The following ADAM20 variants were observed in gnomAD, a reference collection of about 807,000 sequenced individuals.
ADAM20 encodes ADAM metallopeptidase domain 20.
For missense variants in ADAM20, 871 were observed against 883.2 expected, an observed-to-expected ratio of 0.99 and a Z score of 0.18; for synonymous variants, 305 against 310.2, an observed-to-expected ratio of 0.98 and a Z score of 0.18.
the ADAM20 span, among the ~76,000 whole-genome samples, chr14:70,570,579 TTGAAATC>T: frequency 6.6e-6 from 1 of 152,072 alleles, no homozygotes; most frequent in African/African-American, 2.4e-5. Context: ...CAGAAAGATA[TTGAAATC>T]TTGAACAGAC....
At chr14:70,542,364 T>C in the ADAM20 span, among the ~76,000 whole-genome samples, 1 of 152,232 alleles carries the variant, frequency 6.6e-6, no homozygotes, top group Admixed American at 6.5e-5. Context: ...ATGGTGTGCT[T>C]TCCTTTAAGG....
rs769500504 is a variant in ADAM20 at position 70,524,685 on chromosome 14, T to C, written c.73A>G (p.Ile25Val). 3 of 1,613,882 alleles carry C rather than the reference T, an allele frequency of 1.9e-6. No individual in the cohort carries two copies. The South Asian group carries it at 3.3e-5, about 18-fold the overall frequency. ...LLLWFGMFLS[I>V]SGHSQARPSQ... Reference sequence around the variant, plus strand: ...GGCCTGGCCTGAGAGTGGCCAGAAATAGACAAAAACATCCCAAACCAGAGC... The same window carrying C: ...GGCCTGGCCTGAGAGTGGCCAGAAACAGACAAAAACATCCCAAACCAGAGC... The change falls in exon 2 of 2, where the codon ATT (isoleucine) becomes GTT (valine). Residue 25 changes from isoleucine to valine, a missense_variant. Transcript: ENST00000256389.
At chr14:70,525,369 C>T (rs2139532045) in intron 1 of ADAM20, among the ~76,000 whole-genome samples, 1 of 152,114 alleles carries the variant, frequency 6.6e-6, no homozygotes. Context: ...TTGCAACAGC[C>T]AGCTAATTTT....
intron 1 of ADAM20, among the ~76,000 whole-genome samples, chr14:70,534,170 TTA>T (rs1883781144): frequency 6.6e-6 from 1 of 151,968 alleles, no homozygotes; most frequent in South Asian, 2.1e-4. Flanking sequence ...CTAAATTATT[TTA>T]TGTTTTATTT....
chr14:70,569,385 G>T, the ADAM20 span, among the ~76,000 whole-genome samples: 1 of 152,082 alleles, frequency 6.6e-6, no homozygotes, highest in East Asian at 1.9e-4. Context: ...AAAACAACTA[G>T]CTAAGAAAGC....
chr14:70,574,301 A>G, the ADAM20 span, among the ~76,000 whole-genome samples: 1 of 152,220 alleles, frequency 6.6e-6, no homozygotes, highest in African/African-American at 2.4e-5. Context: ...AATTTGTAAC[A>G]GGCAGCAAAA....
chr14:70,543,275 G>T, the ADAM20 span, among the ~76,000 whole-genome samples: 201 of 152,242 alleles, frequency 1.3e-3, 2 homozygotes, highest in South Asian at 7.9e-3. Context: ...TACCCTTGGG[G>T]GAATGCTTTA....
chr14:70,534,252 C>T (rs1334546146), intron 1 of ADAM20, among the ~76,000 whole-genome samples: 1 of 151,876 alleles, frequency 6.6e-6, no homozygotes, highest in African/African-American at 2.4e-5. Context: ...ACTTCCAATG[C>T]TGGAGGTAGG....
the ADAM20 span, among the ~76,000 whole-genome samples, chr14:70,548,652 T>C: frequency 1.7e-5 from 2 of 116,914 alleles, no homozygotes; most frequent in African/African-American, 3.6e-5. Flanking sequence ...TATGGGACTA[T>C]GTGAAAAGAC....
the ADAM20 span, among the ~76,000 whole-genome samples, chr14:70,564,044 G>C: frequency 6.6e-6 from 1 of 152,244 alleles, no homozygotes; most frequent in Non-Finnish European, 1.5e-5. Flanking sequence ...AGACAGTGAA[G>C]AGTGTGCCAG....
At position 70,523,220 on chromosome 14, in the gene ADAM20, A is replaced by G. The variant is rs780004754; in HGVS notation, c.1538T>C (p.Ile513Thr). The G allele has an allele frequency of 6.2e-7, 1 of 1,614,058 alleles. No homozygotes were observed. Among genetic ancestry groups the G allele is most frequent in the South Asian group, 1.1e-5 (1 of 91,086 alleles). ...CYEKTCNNHD[I>T]QCKEIFGQDA... Reference sequence around the variant, plus strand: ...TTGGCCAAAAATCTCTTTACATTGTATATCATGGTTATTACACGTCTTTTC... The same window carrying G: ...TTGGCCAAAAATCTCTTTACATTGTGTATCATGGTTATTACACGTCTTTTC... Residue 513 changes from isoleucine (I) to threonine (T), a missense_variant, in exon 2 of 2, where the codon ATA becomes ACA. Ile to Thr is a moderately conservative substitution (Grantham distance 89). Transcript: ENST00000256389.
the ADAM20 span, among the ~76,000 whole-genome samples, chr14:70,565,801 T>C: frequency 5.3e-5 from 8 of 152,222 alleles, no homozygotes; most frequent in African/African-American, 1.7e-4. Flanking sequence ...TACAGGAAGA[T>C]GTACATGGTC....
chr14:70,523,453 A>G lies in ADAM20; in HGVS notation c.1305T>C (p.Cys435=). The G allele has an allele frequency of 1.9e-6, 3 of 1,614,078 alleles. No homozygotes were observed. The highest frequency in any genetic ancestry group is 2.5e-6 in the Non-Finnish European group (3 of 1,179,982). Residue 435 remains cysteine, a synonymous_variant, in exon 2 of 2, where the codon TGT becomes TGC. Coordinates refer to ENST00000256389, the MANE Select transcript of ADAM20 (RefSeq NM_003814.5). ...CAGGATGTAGAGTACAGTTTAACAG[A>G]CAACAGGGATCTTTTGCACACTGCC... ...TIRQCAKDPC[C]LLNCTLHPGA...
chr14:70,545,768 G>A, the ADAM20 span, among the ~76,000 whole-genome samples: 1 of 152,120 alleles, frequency 6.6e-6, no homozygotes, highest in Non-Finnish European at 1.5e-5. Context: ...AGTAATAGCT[G>A]GAGACCTCAA....
chr14:70,532,173 C>G (rs969259782), intron 1 of ADAM20, among the ~76,000 whole-genome samples: 1 of 151,818 alleles, frequency 6.6e-6, no homozygotes, highest in African/African-American at 2.4e-5. Flanking sequence ...CAGAAGTAAA[C>G]CCAGACATGT....
the ADAM20 span, among the ~76,000 whole-genome samples, chr14:70,564,888 A>T: frequency 7.4e-5 from 11 of 149,576 alleles, no homozygotes; most frequent in African/African-American, 2.0e-4. Context: ...GTATAAAAAA[A>T]TTTTTTTTTG....
At chr14:70,528,364 T>A (rs976566063) in intron 1 of ADAM20, among the ~76,000 whole-genome samples, 2 of 152,216 alleles carry the variant, frequency 1.3e-5, no homozygotes, top group Non-Finnish European at 1.5e-5. Flanking sequence ...AGGAAATGGA[T>A]CAGAAAGTGA....
the ADAM20 span, among the ~76,000 whole-genome samples, chr14:70,540,798 A>AT: frequency 3.3e-5 from 5 of 151,762 alleles, no homozygotes; most frequent in East Asian, 3.9e-4. Context: ...ATAAAAAATA[A>AT]TTTTTTTTTC....
At chr14:70,539,069 T>C (rs552872222), upstream of ADAM20, among the ~76,000 whole-genome samples, 3 of 152,106 alleles carry the variant, frequency 2.0e-5, no homozygotes, top group Non-Finnish European at 2.9e-5. Context: ...CAGGTTGGAC[T>C]GCCAGAACGA....
Sources: gnomAD v4.1 joint callset for allele counts (sites outside exome capture counted in the v4.1 genomes callset) on GRCh38, gnomAD v4.1.1 for gene constraint, MANE v1.5 for transcripts, NCBI Gene and HGNC (gene_info 2026-07-23, HGNC 2026-07-21) for gene names.